Variants in SCEL observed in about 807,000 individuals in gnomAD.
The protein encoded by SCEL is sciellin.
In SCEL, 113 loss-of-function variants were observed where a neutral mutation model predicts 117.6. The ratio of observed to expected loss-of-function variants is 0.96; its 90% CI spans 0.83 to 1.12. SCEL has a LOEUF of 1.12. Among genes scored for constraint, SCEL ranks in the 50% most tolerant of loss-of-function variants. The pLI is 0.00. For synonymous variants in SCEL, 270 were observed against 256.2 expected, an observed-to-expected ratio of 1.05 and a Z score of -0.51; for missense variants, 785 against 810.8, an observed-to-expected ratio of 0.97 and a Z score of 0.39.
At chr13:77,595,266 G>A (rs149376864) in intron 12 of SCEL, among the ~76,000 whole-genome samples, 1 of 152,264 alleles carries the variant, frequency 6.6e-6, no homozygotes, top group East Asian at 1.9e-4. Flanking sequence ...AATGTTCATG[G>A]TAGTCATCAT....
At chr13:77,591,511 G>A in intron 11 of SCEL, 51 bp downstream of exon 11, 6 of 1,025,148 alleles carry the variant, frequency 5.9e-6, no homozygotes, top group Non-Finnish European at 8.9e-6. Flanking sequence ...GATAAAGTAT[G>A]CTTTCTCAGC....
Position 77,610,112 on chromosome 13 carries a change from GT to G in SCEL, c.1337+9del. The G allele has an allele frequency of 1.3e-6, 2 of 1,598,550 alleles. No homozygotes were observed. Among genetic ancestry groups the G allele is most frequent in the Non-Finnish European group, 1.7e-6 (2 of 1,169,666 alleles). The stretch of plus-strand genomic sequence containing the variant: ...AGAAACAGAACTAACCAAGGGTAAG[GT>G]TTATGGAACTCTCTATTTCTCCCCC... On this transcript the variant is annotated splice_region_variant and intron_variant, in intron 22 of 32. Transcript: ENST00000349847.
intron 21 of SCEL, among the ~76,000 whole-genome samples, 186 bp downstream of exon 21, chr13:77,609,303 T>C (rs1262906705): frequency 6.6e-6 from 1 of 152,236 alleles, no homozygotes; most frequent in Non-Finnish European, 1.5e-5. Flanking sequence ...ATGAGACAAT[T>C]ACTCTTTGAC....
intron 13 of SCEL, 113 bp downstream of exon 13, chr13:77,597,702 A>T: frequency 1.9e-6 from 1 of 518,316 alleles, no homozygotes; most frequent in Non-Finnish European, 3.4e-6. Flanking sequence ...AAAATATCCT[A>T]CAAATCTTGA....
At position 77,602,025 on chromosome 13, in the gene SCEL, C is replaced by T. The variant is rs763302791; in HGVS notation, c.918-40C>T. 6 of 1,547,376 alleles carry T rather than the reference C, an allele frequency of 3.9e-6. No homozygotes were observed. The African/African-American group carries it at 6.9e-5, about 18-fold the overall frequency. On this transcript the variant is annotated intron_variant, in intron 15 of 32. Transcript: ENST00000349847. ...ATATATCACTGAGTTGCTCTTGCCT[C>T]ACTCTCTCTTTCTCTTTCTTTTCCC... is the stretch of plus-strand genomic sequence containing the variant.
In SCEL at chr13:77,644,387, T is replaced by C. The variant is rs1264133541; in HGVS notation, c.*113T>C. The C allele has an allele frequency of 3.1e-5, 33 of 1,072,212 alleles. No individual in the cohort carries two copies. Among genetic ancestry groups the C allele is most frequent in the Non-Finnish European group, 4.0e-5 (29 of 720,318 alleles). 66.4% of individuals were successfully genotyped at this position (1,072,212 alleles called of 1,614,324 possible). Reference sequence around the variant, plus strand: ...CTTTCACATTGAAGATCAACTCTTGTACAAAATTAACAATTCTGTTATTGC... The same window carrying C: ...CTTTCACATTGAAGATCAACTCTTGCACAAAATTAACAATTCTGTTATTGC... On this transcript the variant is annotated 3_prime_UTR_variant, in exon 33 of 33. Transcript: ENST00000349847.
chr13:77,563,981 T>G, intron 5 of SCEL, 82 bp downstream of exon 5: 1 of 981,312 alleles, frequency 1.0e-6, no homozygotes, highest in Non-Finnish European at 1.5e-6. Context: ...TATTTAAAAG[T>G]TTACCAAAAT....
chr13:77,542,366 C>T (rs886726130), intron 1 of SCEL, among the ~76,000 whole-genome samples: 20 of 152,184 alleles, frequency 1.3e-4, no homozygotes, highest in Admixed American at 1.3e-4. Flanking sequence ...CGCCATTGCA[C>T]TCCAGCCTGG....
chr13:77,638,923 C>T (rs955144508), intron 30 of SCEL, among the ~76,000 whole-genome samples: 6 of 152,066 alleles, frequency 3.9e-5, no homozygotes, highest in African/African-American at 1.4e-4. Flanking sequence ...CCTCTTCAAA[C>T]AATGCAGATG....
intron 20 of SCEL, 95 bp downstream of exon 20, chr13:77,608,210 C>A: frequency 1.1e-6 from 1 of 933,430 alleles, no homozygotes; most frequent in Non-Finnish European, 1.6e-6. Flanking sequence ...GGATTGGGAT[C>A]AGAAAGGCTG....
At chr13:77,585,448 C>G (rs566274595) in intron 9 of SCEL, among the ~76,000 whole-genome samples, 2 of 152,074 alleles carry the variant, frequency 1.3e-5, no homozygotes, top group Admixed American at 1.3e-4. Flanking sequence ...ACATCTGCAG[C>G]CCTGGGGTCA....
In SCEL at chr13:77,564,819, G is replaced by A. The variant is rs532953823; in HGVS notation, c.290+920G>A. 3.3e-5 allele frequency among the ~76,000 whole-genome samples: 5 copies of A among 152,274 alleles called. No homozygotes were observed. In the South Asian group the frequency reaches 8.3e-4, roughly 25 times the overall value. On this transcript the variant is annotated intron_variant, in intron 5 of 32. Coordinates refer to ENST00000349847, the MANE Select transcript of SCEL (RefSeq NM_144777.3). ...AATGTAGCAAATGTATATACCTTCT[G>A]CATTATTCCTAGGCTTTCAAGTCAG... is the stretch of plus-strand genomic sequence containing the variant.
chr13:77,557,805 C>G (rs755276389), intron 3 of SCEL, among the ~76,000 whole-genome samples: 22 of 152,130 alleles, frequency 1.4e-4, no homozygotes, highest in Non-Finnish European at 2.9e-4. Flanking sequence ...TTATCAAACC[C>G]AAAGTGTCAA....
chr13:77,566,290 C>T (rs2085284533), intron 5 of SCEL, among the ~76,000 whole-genome samples: 1 of 152,140 alleles, frequency 6.6e-6, no homozygotes, highest in Non-Finnish European at 1.5e-5. Flanking sequence ...CATGCAATAA[C>T]TCTGAGACTC....
chr13:77,543,378 C>T (rs1406146090), intron 1 of SCEL, among the ~76,000 whole-genome samples: 4 of 152,196 alleles, frequency 2.6e-5, no homozygotes, highest in Non-Finnish European at 4.4e-5. Flanking sequence ...CCACCGCGCC[C>T]GGCCAACTTT....
At chr13:77,607,499 C>T (rs1594104780) in intron 19 of SCEL, among the ~76,000 whole-genome samples, 2 of 152,210 alleles carry the variant, frequency 1.3e-5, no homozygotes, top group East Asian at 1.9e-4. Flanking sequence ...ATAATTCTAA[C>T]ACACAGTTAT....
At chr13:77,631,983 C>A (rs1185837784) in intron 28 of SCEL, among the ~76,000 whole-genome samples, 1 of 152,230 alleles carries the variant, frequency 6.6e-6, no homozygotes, top group East Asian at 1.9e-4. Context: ...TGGCCACCTT[C>A]TCACTGTGTA....
rs902562189 is a variant in SCEL at position 77,535,831 on chromosome 13, T to G, written c.-20+7T>G. On this transcript the variant is annotated splice_region_variant and intron_variant, in intron 1 of 32. Transcript: ENST00000349847. ...GATTTTCTGCTCAATAGAGGTAAGT[T>G]GAATTATACTTGCAAACAGAAATAC... 2 of 152,228 alleles carry G rather than the reference T, an allele frequency of 1.3e-5. No homozygotes were observed. The highest frequency in any genetic ancestry group is 6.5e-5 in the Admixed American group (1 of 15,290). 9.4% of individuals were successfully genotyped at this position (152,228 alleles called of 1,614,324 possible).
chr13:77,610,560 C>T (rs149486647), intron 22 of SCEL, among the ~76,000 whole-genome samples: 240 of 152,126 alleles, frequency 1.6e-3, no homozygotes, highest in African/African-American at 5.4e-3. Flanking sequence ...AAGCACTTAC[C>T]GAAGGCTCTC....
Sources: allele counts gnomAD v4.1 joint callset (sites outside exome capture counted in the v4.1 genomes callset), GRCh38; gene constraint gnomAD v4.1.1; transcripts MANE v1.5; gene names NCBI Gene and HGNC (gene_info 2026-07-23, HGNC 2026-07-21).